The following TNPO3 variants were observed in gnomAD, a reference collection of about 807,000 sequenced individuals.
The protein encoded by TNPO3 is transportin-3.
In TNPO3, 65 loss-of-function variants were observed where a neutral mutation model predicts 122.8. That is an observed-to-expected ratio of 0.53 (90% CI 0.43 to 0.65). The LOEUF is 0.65. Ranked by LOEUF, TNPO3 falls within the 30% of genes least tolerant of loss-of-function variation. The probability of loss-of-function intolerance (pLI) is 0.00; values close to 1 mark genes in which losing one functional copy is unlikely to be tolerated. For missense variants in TNPO3, 850 were observed against 1,136.7 expected, an observed-to-expected ratio of 0.75 and a Z score of 3.63; for synonymous variants, 372 against 411.2, an observed-to-expected ratio of 0.90 and a Z score of 1.15.
chr7:129,036,609 T>G (rs1311387285), intron 1 of TNPO3, among the ~76,000 whole-genome samples: 1 of 152,220 alleles, frequency 6.6e-6, no homozygotes, highest in East Asian at 1.9e-4. Context: ...CATTTTAGTT[T>G]ATTTTAGAAA....
chr7:129,044,198 G>A (rs1807747923), intron 1 of TNPO3, among the ~76,000 whole-genome samples: 1 of 152,226 alleles, frequency 6.6e-6, no homozygotes, highest in South Asian at 2.1e-4. Flanking sequence ...AAAATGCTGG[G>A]ATTACAGGCA....
chr7:129,001,994 C>G (rs1463406234), intron 5 of TNPO3, among the ~76,000 whole-genome samples: 6 of 152,054 alleles, frequency 3.9e-5, no homozygotes, highest in Non-Finnish European at 7.4e-5. Flanking sequence ...TTCAGAATAC[C>G]AGAGTTAAAC....
intron 11 of TNPO3, among the ~76,000 whole-genome samples, chr7:128,987,769 T>C (rs1420552290): frequency 2.0e-5 from 3 of 151,448 alleles, no homozygotes; most frequent in African/African-American, 4.9e-5. Flanking sequence ...GTAGAGACGA[T>C]TGTTTCACCA....
chr7:128,989,004 G>A (rs1213783525), intron 11 of TNPO3, among the ~76,000 whole-genome samples: 11 of 152,176 alleles, frequency 7.2e-5, no homozygotes, highest in Admixed American at 7.2e-4. Context: ...TTGAACCTAG[G>A]AGGTGGAGGT....
intron 15 of TNPO3, 97 bp downstream of exon 15, chr7:128,979,874 G>A: frequency 9.3e-7 from 1 of 1,077,824 alleles, no homozygotes; most frequent in Admixed American, 1.7e-5. Flanking sequence ...ATCTCCCTAT[G>A]AACTTGGAAG....
upstream of TNPO3, chr7:129,055,997 A>G: frequency 1.2e-6 from 1 of 863,216 alleles, no homozygotes; most frequent in Middle Eastern, 2.1e-4. Flanking sequence ...ACACTGACCT[A>G]CAGCGCCTCA....
chr7:128,989,931 G>A, intron 11 of TNPO3, 30 bp downstream of exon 11: 1 of 1,598,900 alleles, frequency 6.3e-7, no homozygotes, highest in Non-Finnish European at 8.6e-7. Flanking sequence ...TGACAAGTTA[G>A]AAGTGGCAGA....
At chr7:128,984,411 G>GTTAT in intron 12 of TNPO3, 152 bp from the exon 13 acceptor site, 1 of 509,768 alleles carries the variant, frequency 2.0e-6, no homozygotes, top group Non-Finnish European at 3.5e-6. Context: ...ACAACACTTT[G>GTTAT]TTATTTACAG....
chr7:128,979,898 A>G, intron 15 of TNPO3, 73 bp downstream of exon 15: 1 of 1,343,544 alleles, frequency 7.4e-7, no homozygotes, highest in Non-Finnish European at 1.1e-6. Context: ...GTATCTTCTC[A>G]GGTGAGTTAC....
intron 1 of TNPO3, among the ~76,000 whole-genome samples, chr7:129,050,432 C>T (rs910186568): frequency 6.7e-6 from 1 of 149,352 alleles, no homozygotes; most frequent in African/African-American, 2.5e-5. Context: ...AGTAATGCAG[C>T]CTTAAAACAA....
At chr7:129,004,364 G>C (rs1441649982) in intron 5 of TNPO3, among the ~76,000 whole-genome samples, 1 of 152,116 alleles carries the variant, frequency 6.6e-6, no homozygotes, top group Non-Finnish European at 1.5e-5. Flanking sequence ...ATTTATGCTT[G>C]AGATAATGTT....
intron 1 of TNPO3, among the ~76,000 whole-genome samples, chr7:129,038,230 G>GA (rs746145559): frequency 6.6e-6 from 1 of 151,750 alleles, no homozygotes; most frequent in Non-Finnish European, 1.5e-5. Flanking sequence ...AAAATGGGAA[G>GA]AAAAAAAGGA....
Position 128,972,412 on chromosome 7 carries a change from A to G in TNPO3, c.2430+14T>C. 1.2e-6 allele frequency: 2 copies of G among 1,602,090 alleles called. No homozygotes were observed. Among genetic ancestry groups the G allele is most frequent in the Non-Finnish European group, 1.7e-6 (2 of 1,174,554 alleles). ...AAAGCTGTTAAGTAGAAATGGTATC[A>G]TTTTTATACTTACATCATTGGCTAC... is the stretch of plus-strand genomic sequence containing the variant. On this transcript the variant is annotated intron_variant, in intron 19 of 22. Transcript: ENST00000265388.
At position 128,986,639 on chromosome 7, in the gene TNPO3, T is replaced by C; in HGVS notation, c.1690+90A>G. The C allele has an allele frequency of 8.8e-6, 11 of 1,244,522 alleles. 1 individual carries two copies. The South Asian group carries it at 1.5e-4, about 17-fold the overall frequency. 77.1% of individuals were successfully genotyped at this position (1,244,522 alleles called of 1,614,324 possible). On this transcript the variant is annotated intron_variant, in intron 12 of 22. Transcript: ENST00000265388. ...ATAAATTCTTAAACACTAAGTACAT[T>C]GCAACTGAAAAACTGGGATATGACA...
At chr7:128,980,121 A>G in intron 14 of TNPO3, 90 bp from the exon 15 acceptor site, 1 of 1,094,050 alleles carries the variant, frequency 9.1e-7, no homozygotes, top group Non-Finnish European at 1.4e-6. Flanking sequence ...ACTTAGTATC[A>G]TTTTCACCAA....
chr7:128,966,943 C>T lies in TNPO3; in HGVS notation c.2711+337G>A, dbSNP rs191524436. ...TTGCCTTACTCAGGTACCTACATTC[C>T]TGACCCCCGAATGTGGATGAAAACT... On this transcript the variant is annotated intron_variant, in intron 21 of 22. Coordinates refer to ENST00000265388, the MANE Select transcript of TNPO3 (RefSeq NM_012470.4). Among the ~76,000 whole-genome samples, 125 of 152,296 alleles carry T rather than the reference C, an allele frequency of 8.2e-4. 1 individual carries two copies. The highest frequency in any genetic ancestry group is 3.4e-3 in the Middle Eastern group (1 of 294).
intron 5 of TNPO3, among the ~76,000 whole-genome samples, chr7:129,002,549 A>G (rs1715442627): frequency 6.6e-6 from 1 of 152,236 alleles, no homozygotes; most frequent in South Asian, 2.1e-4. Flanking sequence ...GAGCACAAAG[A>G]TGCAAATTAT....
chr7:129,055,094 T>C lies in TNPO3; in HGVS notation c.-324A>G, dbSNP rs1809335076. ...CCTATCTTGGGAGGCCACACACCAG[T>C]GTACCTAAGGTTCGTTTACCCGGAC... On this transcript the variant is annotated 5_prime_UTR_variant, in exon 1 of 23. Transcript: ENST00000265388. The C allele has an allele frequency of 3.1e-6, 1 of 322,840 alleles. No homozygotes were observed. Among genetic ancestry groups the C allele is most frequent in the Non-Finnish European group, 6.0e-6 (1 of 165,362 alleles). 20.0% of individuals were successfully genotyped at this position (322,840 alleles called of 1,614,324 possible). A position where few individuals can be genotyped will look rare whatever the true frequency, so the allele number is the denominator to read the frequency against.
At chr7:128,975,537 T>G (rs1798961254) in intron 17 of TNPO3, among the ~76,000 whole-genome samples, 1 of 152,100 alleles carries the variant, frequency 6.6e-6, no homozygotes, top group African/African-American at 2.4e-5. Flanking sequence ...GAGATTCATT[T>G]TTCTCACCTC....
Sources: allele counts gnomAD v4.1 joint callset (sites outside exome capture counted in the v4.1 genomes callset), GRCh38; gene constraint gnomAD v4.1.1; transcripts MANE v1.5; gene names NCBI Gene and HGNC (gene_info 2026-07-23, HGNC 2026-07-21).